The following TMEM117 variants were observed in gnomAD, a reference collection of about 807,000 sequenced individuals.
TMEM117 encodes the protein transmembrane protein 117.
A neutral mutation model predicts 52.4 loss-of-function variants in TMEM117; 27 were observed. The ratio of observed to expected loss-of-function variants is 0.51; its 90% CI spans 0.38 to 0.71. The LOEUF is 0.71. Among genes scored for constraint, TMEM117 ranks in the 30% least tolerant of loss-of-function variants. The probability of loss-of-function intolerance (pLI) is 0.00; values close to 1 mark genes in which losing one functional copy is unlikely to be tolerated. For missense variants in TMEM117, 556 were observed against 630.5 expected (o/e 0.88, Z 1.26); for synonymous variants, 215 against 206.3 (o/e 1.04, Z -0.36).
At chr12:43,813,231 GTTTTTTTTTT>G in the TMEM117 span, among the ~76,000 whole-genome samples, 21 of 62,668 alleles carry the variant, frequency 3.4e-4, no homozygotes, top group African/African-American at 1.0e-3. Flanking sequence ...GTTTTCTCTT[GTTTTTTTTTT>G]TTTTTTTTTT....
chr12:44,233,647 T>C lies in TMEM117; in HGVS notation c.608+22260T>C, dbSNP rs184757627. On this transcript the variant is annotated intron_variant, in intron 5 of 7. Transcript: ENST00000266534. ...AGCAAAAATCATCCAAAATATTTAT[T>C]TTCCTTTAAAAATATTTTATTGTAT... is the stretch of plus-strand genomic sequence containing the variant. Among the ~76,000 whole-genome samples, 70 of 151,560 alleles carry C rather than the reference T, an allele frequency of 4.6e-4. 1 individual carries two copies. Among genetic ancestry groups the C allele is most frequent in the African/African-American group, 1.7e-3 (70 of 41,524 alleles).
intron 2 of TMEM117, among the ~76,000 whole-genome samples, chr12:43,911,809 AC>A (rs2137533818): frequency 2.1e-5 from 2 of 95,832 alleles, no homozygotes; most frequent in Admixed American, 2.5e-4. Flanking sequence ...ACCATTTCAC[AC>A]CAGTTAGAAT....
At chr12:44,357,648 T>C (rs1415385472) in intron 6 of TMEM117, among the ~76,000 whole-genome samples, 4 of 152,114 alleles carry the variant, frequency 2.6e-5, no homozygotes, top group Non-Finnish European at 4.4e-5. Context: ...AGAATGGCTA[T>C]TACTAAAAAG....
the TMEM117 span, among the ~76,000 whole-genome samples, chr12:43,804,755 T>C: frequency 1.1e-4 from 17 of 152,356 alleles, no homozygotes; most frequent in African/African-American, 4.1e-4. Context: ...GAAATATAAA[T>C]ATTAGCATTT....
At chr12:44,042,905 C>A (rs770526281) in intron 3 of TMEM117, among the ~76,000 whole-genome samples, 2 of 151,904 alleles carry the variant, frequency 1.3e-5, no homozygotes, top group Non-Finnish European at 2.9e-5. Context: ...GGAGTTCTTT[C>A]ATTGGTTTTG....
At chr12:44,017,060 C>T (rs1946383131) in intron 3 of TMEM117, among the ~76,000 whole-genome samples, 2 of 152,064 alleles carry the variant, frequency 1.3e-5, no homozygotes. Flanking sequence ...GCAAATGTGT[C>T]ACTATCACCA....
chr12:44,105,195 G>T (rs1241078417), intron 3 of TMEM117, among the ~76,000 whole-genome samples: 1 of 151,108 alleles, frequency 6.6e-6, no homozygotes, highest in Non-Finnish European at 1.5e-5. Context: ...TTTCAATATG[G>T]TAAGTTTCTA....
intron 2 of TMEM117, among the ~76,000 whole-genome samples, chr12:43,884,733 A>G (rs755985096): frequency 1.3e-5 from 2 of 152,236 alleles, no homozygotes; most frequent in Non-Finnish European, 2.9e-5. Context: ...GAAAAAGCAG[A>G]TAAGCTAAGT....
chr12:44,378,120 C>T (rs138260245), intron 7 of TMEM117, among the ~76,000 whole-genome samples: 1 of 152,078 alleles, frequency 6.6e-6, no homozygotes, highest in Non-Finnish European at 1.5e-5. Context: ...GGGGCTTTTG[C>T]GTAGACCATC....
chr12:44,361,279 T>C (rs2138808933), intron 6 of TMEM117, among the ~76,000 whole-genome samples: 1 of 152,294 alleles, frequency 6.6e-6, no homozygotes, highest in South Asian at 2.1e-4. Context: ...AGCTACATAC[T>C]CTCAACAACC....
chr12:44,239,776 C>T (rs1186376439), intron 5 of TMEM117, among the ~76,000 whole-genome samples: 1 of 152,020 alleles, frequency 6.6e-6, no homozygotes, highest in Non-Finnish European at 1.5e-5. Flanking sequence ...TGCCCACATG[C>T]ACACATACAC....
intron 5 of TMEM117, among the ~76,000 whole-genome samples, chr12:44,219,362 T>C (rs1388854571): frequency 6.6e-6 from 1 of 152,160 alleles, no homozygotes; most frequent in African/African-American, 2.4e-5. Context: ...TTGCTGATGA[T>C]TAGATATATT....
intron 3 of TMEM117, among the ~76,000 whole-genome samples, chr12:44,015,867 A>G (rs569609389): frequency 6.6e-6 from 1 of 152,326 alleles, no homozygotes; most frequent in East Asian, 1.9e-4. Context: ...ACAACAAATA[A>G]GACTATACAA....
In TMEM117 at chr12:44,125,250, G is replaced by A. The variant is rs550300198; in HGVS notation, c.411-18275G>A. On this transcript the variant is annotated intron_variant, in intron 3 of 7. Coordinates refer to ENST00000266534, the MANE Select transcript of TMEM117 (RefSeq NM_032256.3). The stretch of plus-strand genomic sequence containing the variant: ...CTCCGGAGTACCTGGGACTACAGGC[G>A]TCCGCCACCAAGCCCGGCTAATTCT... 1.6e-3 allele frequency among the ~76,000 whole-genome samples: 242 copies of A among 152,164 alleles called. 1 individual carries two copies. Among genetic ancestry groups the A allele is most frequent in the Non-Finnish European group, 2.7e-3 (181 of 67,978 alleles).
At chr12:43,969,973 A>G (rs1233436704) in intron 3 of TMEM117, among the ~76,000 whole-genome samples, 5 of 152,170 alleles carry the variant, frequency 3.3e-5, no homozygotes, top group Admixed American at 6.5e-5. Context: ...GTGGCCAACC[A>G]TGATCTGAGA....
At chr12:44,259,844 C>G (rs1248863719) in intron 5 of TMEM117, among the ~76,000 whole-genome samples, 2 of 152,060 alleles carry the variant, frequency 1.3e-5, no homozygotes. Flanking sequence ...TAACCTGGCC[C>G]ACATTTAGCA....
chr12:44,253,590 C>T lies in TMEM117; in HGVS notation c.608+42203C>T, dbSNP rs142038028. On this transcript the variant is annotated intron_variant, in intron 5 of 7. Transcript: ENST00000266534. ...ATCTAGAGATTAGAATCCAGGATTGCTTGATTGGGTCCATTAACTCAGCAG... is the reference window on the plus strand; with the variant it reads ...ATCTAGAGATTAGAATCCAGGATTGTTTGATTGGGTCCATTAACTCAGCAG... 7.0e-3 allele frequency among the ~76,000 whole-genome samples: 1,060 copies of T among 152,134 alleles called. 10 individuals are homozygous for T. The highest frequency in any genetic ancestry group is 0.024 in the African/African-American group (1,014 of 41,512).
chr12:44,342,726 T>G (rs73276275), intron 6 of TMEM117, among the ~76,000 whole-genome samples: 3,563 of 152,044 alleles, frequency 0.023, 137 homozygotes, highest in African/African-American at 0.076. Context: ...CTTATTATCA[T>G]GAGACAAAAA....
chr12:44,124,775 T>C (rs1035817049), intron 3 of TMEM117, among the ~76,000 whole-genome samples: 7 of 152,132 alleles, frequency 4.6e-5, no homozygotes, highest in Admixed American at 3.9e-4. Context: ...GGTGGATAAG[T>C]TTTTTATGTG....
Sources: gnomAD v4.1 joint callset for allele counts (sites outside exome capture counted in the v4.1 genomes callset) on GRCh38, gnomAD v4.1.1 for gene constraint, MANE v1.5 for transcripts, NCBI Gene and HGNC (gene_info 2026-07-23, HGNC 2026-07-21) for gene names.